RNF213: variants seen among roughly 807,000 people sequenced by gnomAD.
RNF213 encodes the protein E3 ubiquitin-protein ligase RNF213.
RNF213 carries 341 observed loss-of-function variants against 514.4 expected under a neutral mutation model. The observed-to-expected ratio is 0.66, with a 90% CI of 0.61 to 0.73. The LOEUF is 0.73. RNF213 is among the 30% of genes least tolerant of loss of function. The pLI, the probability that RNF213 is intolerant of heterozygous loss-of-function variation, is 0.00. For missense variants in RNF213, 5,767 were observed against 6,615.6 expected (o/e 0.87, Z 4.45); for synonymous variants, 2,655 against 2,658.2 (o/e 1.00, Z 0.04).
chr17:80,323,701 C>T (rs190314125), intron 17 of RNF213, among the ~76,000 whole-genome samples: 6 of 152,220 alleles, frequency 3.9e-5, no homozygotes, highest in Admixed American at 2.6e-4. Context: ...ATGATCAACC[C>T]GCCTTGACCT....
intron 29 of RNF213, among the ~76,000 whole-genome samples, chr17:80,348,522 C>T (rs1016600706): frequency 6.6e-5 from 10 of 152,238 alleles, no homozygotes; most frequent in African/African-American, 2.4e-4. Flanking sequence ...AGTGTTCACA[C>T]CAACAAATAA....
chr17:80,306,838 C>T (rs376336113), intron 12 of RNF213, among the ~76,000 whole-genome samples: 2,294 of 139,492 alleles, frequency 0.016, 22 homozygotes, highest in Middle Eastern at 0.083. Context: ...GGTGACAGAG[C>T]GAGACTCCAT....
chr17:80,294,611 C>T, intron 8 of RNF213, 109 bp from the exon 9 acceptor site: 2 of 1,337,910 alleles, frequency 1.5e-6, no homozygotes, highest in South Asian at 1.2e-5. Context: ...TTCCTCTGCC[C>T]CATTTACTCC....
intron 48 of RNF213, 36 bp from the exon 49 acceptor site, chr17:80,372,939 A>AC (rs746342023): frequency 6.3e-7 from 1 of 1,598,950 alleles, no homozygotes; most frequent in South Asian, 1.1e-5. Flanking sequence ...GCCCTAAGTC[A>AC]CCAGCCACTC....
Position 80,345,846 on chromosome 17 carries a change from A to C in RNF213, c.7511A>C (p.Asp2504Ala). 1 of 1,614,126 alleles carries C rather than the reference A, an allele frequency of 6.2e-7. No homozygotes were observed. Among genetic ancestry groups the C allele is most frequent in the Non-Finnish European group, 8.5e-7 (1 of 1,180,040 alleles). Reference sequence around the variant, plus strand: ...AGCTGTATCAAAGAAGTCCTGTGTGATCATATGGTGGATGGCCAGCCTCTG... The same window carrying C: ...AGCTGTATCAAAGAAGTCCTGTGTGCTCATATGGTGGATGGCCAGCCTCTG... ...AISCIKEVLC[D>A]HMVDGQPLAE... is the part of the protein sequence containing the mutation. The change falls in exon 29 of 68, where the codon GAT (aspartate) becomes GCT (alanine). Residue 2504 changes from aspartate to alanine, a missense_variant. This residue lies in a region of RNF213 where 1,377 missense variants were observed against 1,635.2 expected (regional missense o/e 0.84). Transcript: ENST00000582970. This position sits in a 1 kb window ranked among gnomAD's most constrained non-coding sequence, Gnocchi z 6.0.
Position 80,264,272 on chromosome 17 carries a change from G to T in RNF213, c.97+494G>T, listed in dbSNP as rs1436966509. Among the ~76,000 whole-genome samples the T allele has an allele frequency of 6.6e-6, 1 of 152,154 alleles. No individual in the cohort carries two copies. The highest frequency in any genetic ancestry group is 2.4e-5 in the African/African-American group (1 of 41,456). On this transcript the variant is annotated intron_variant, in intron 2 of 67. Coordinates refer to ENST00000582970, the MANE Select transcript of RNF213 (RefSeq NM_001256071.3). The surrounding 1 kb of genome is among the most constrained non-coding windows in gnomAD (Gnocchi z 5.0). ...ATGCTGCAGGGAAGCAGAGTTTGAG[G>T]CTCTGCAGGGGTTGAGAGCTCTGCC...
chr17:80,367,695 G>T (rs2079333900), intron 42 of RNF213, 53 bp from the exon 43 acceptor site: 4 of 1,474,662 alleles, frequency 2.7e-6, no homozygotes, highest in Non-Finnish European at 3.8e-6. Flanking sequence ...GCCCGGCCTG[G>T]CCGCCCTCAG....
At chr17:80,305,617 CTT>C (rs35037970) in intron 11 of RNF213, among the ~76,000 whole-genome samples, 1 of 145,690 alleles carries the variant, frequency 6.9e-6, no homozygotes, top group African/African-American at 2.5e-5. Context: ...TTTTTCTTTC[CTT>C]TTTTTTTTTT....
rs1481713548 is a variant in RNF213, at chr17:80,345,721, C to T, written c.7386C>T (p.Ser2462=). 1.2e-6 allele frequency: 2 copies of T among 1,614,234 alleles called. No individual in the cohort carries two copies. The highest frequency in any genetic ancestry group is 1.1e-5 in the South Asian group (1 of 91,086). ...GAACAACTGCAGACATGATCTACTC[C>T]AGAGTCAGGGAGGCTGAAAATGTGG... The part of the protein sequence containing the change: ...HGGTTADMIY[S]RVREAENVAF... Residue 2462 remains serine (S), a synonymous_variant, in exon 29 of 68, where the codon TCC becomes TCT. Transcript: ENST00000582970. The surrounding 1 kb of genome is among the most constrained non-coding windows in gnomAD (Gnocchi z 6.0).
chr17:80,291,352 C>T (rs187726161), intron 7 of RNF213, among the ~76,000 whole-genome samples: 11 of 151,110 alleles, frequency 7.3e-5, no homozygotes, highest in Non-Finnish European at 1.5e-4. Flanking sequence ...TCTCCTGGGC[C>T]ATCATGCCCA....
chr17:80,392,499 T>C (rs2080514758), intron 67 of RNF213, among the ~76,000 whole-genome samples: 2 of 152,218 alleles, frequency 1.3e-5, no homozygotes, highest in South Asian at 2.1e-4. Flanking sequence ...GTTTGTGTAC[T>C]GCATGTGGGA....
intron 42 of RNF213, among the ~76,000 whole-genome samples, chr17:80,366,891 A>AT (rs1180787821): frequency 2.0e-5 from 3 of 152,212 alleles, no homozygotes; most frequent in Non-Finnish European, 2.9e-5. Flanking sequence ...ATCAAATTCC[A>AT]TTAGTACAGC....
chr17:80,345,317 G>A lies in RNF213; in HGVS notation c.6982G>A (p.Gly2328Ser), dbSNP rs1048242578. Reference protein sequence around the residue: ...IGFHLQPNINGSVDAISHLTG... With the variant: ...IGFHLQPNINSSVDAISHLTG... The stretch of plus-strand genomic sequence containing the variant: ...CTTCCATCTGCAGCCCAACATCAAC[G>A]GCAGTGTCGATGCCATCAGTCACTT... The change falls in exon 29 of 68, where the codon GGC becomes AGC. Residue 2328 changes from glycine (G) to serine (S), a missense_variant. Coordinates refer to ENST00000582970, the MANE Select transcript of RNF213 (RefSeq NM_001256071.3). The surrounding 1 kb of genome is among the most constrained non-coding windows in gnomAD (Gnocchi z 6.0). 2.5e-6 allele frequency: 4 copies of A among 1,613,992 alleles called. No individual in the cohort carries two copies. The highest frequency in any genetic ancestry group is 1.3e-5 in the African/African-American group (1 of 74,968).
At position 80,288,225 on chromosome 17, in the gene RNF213, C is replaced by A. The variant is rs551258825; in HGVS notation, c.672C>A (p.Pro224=). 9 of 1,613,250 alleles carry A rather than the reference C, an allele frequency of 5.6e-6. No individual in the cohort carries two copies. The African/African-American group carries it at 1.2e-4, about 21-fold the overall frequency. Residue 224 remains proline (P), a synonymous_variant, in exon 4 of 68, where the codon CCC becomes CCA. Transcript: ENST00000582970. This position sits in a 1 kb window ranked among gnomAD's most constrained non-coding sequence, Gnocchi z 4.9. ...TGTCCCAGGAGGGGACCGGTCCCCC[C>A]ACCTCTGCTGGTGAAGGCCATTCTA... The part of the protein sequence containing the change: ...RGLSQEGTGP[P]TSAGEGHSRT...
rs1334000574 is a variant in RNF213, at chr17:80,295,730, G to T, written c.1929G>T (p.Trp643Cys). 1.9e-6 allele frequency: 3 copies of T among 1,614,224 alleles called. No homozygotes were observed. The highest frequency in any genetic ancestry group is 2.5e-6 in the Non-Finnish European group (3 of 1,180,032). ...IELLLEGSLD[W>C]LCHLLTSDAS... is the part of the protein sequence containing the mutation. ...TTTTATTAGAAGGCAGCCTGGACTG[G>T]TTGTGTCACCTCCTAACCTCAGATG... The change falls in exon 10 of 68, where the codon TGG becomes TGT. Residue 643 changes from tryptophan (W) to cysteine (C), a missense_variant. Trp to Cys is a radical substitution (Grantham distance 215). Transcript: ENST00000582970.
chr17:80,381,452 A>G (rs1444582816), intron 56 of RNF213, 95 bp from the exon 57 acceptor site: 7 of 1,317,572 alleles, frequency 5.3e-6, no homozygotes, highest in Non-Finnish European at 7.7e-6. Flanking sequence ...TTCCGACTCT[A>G]TGCTGGTGCT....
At chr17:80,286,853 C>T (rs1598922182) in intron 3 of RNF213, among the ~76,000 whole-genome samples, 1 of 152,034 alleles carries the variant, frequency 6.6e-6, no homozygotes, top group African/African-American at 2.4e-5. Flanking sequence ...GTCCCAGGGT[C>T]CTGGCAGCCT....
chr17:80,313,858 TGGTGGTGGTGAA>T (rs1324465481), intron 15 of RNF213, among the ~76,000 whole-genome samples: 1 of 120,944 alleles, frequency 8.3e-6, no homozygotes, highest in African/African-American at 3.8e-5. Context: ...CTGGAGGTGA[TGGTGGTGGTGAA>T]GGTGATGGTG....
At chr17:80,274,991 GTA>G (rs1226591886) in intron 3 of RNF213, among the ~76,000 whole-genome samples, 1 of 126,338 alleles carries the variant, frequency 7.9e-6, no homozygotes, top group East Asian at 2.6e-4. Context: ...GGATGTGTGT[GTA>G]TGTGTTGGGG....
Sources: allele counts gnomAD v4.1 joint callset (sites outside exome capture counted in the v4.1 genomes callset), GRCh38; gene constraint gnomAD v4.1.1; regional missense constraint gnomAD v4.1.1; non-coding constraint Gnocchi (gnomAD v3.1); transcripts MANE v1.5; gene names NCBI Gene and HGNC (gene_info 2026-07-23, HGNC 2026-07-21).